PUDP: variants seen among roughly 807,000 people sequenced by gnomAD.
PUDP encodes the protein pseudouridine 5'-phosphatase.
Under a neutral mutation model 9.4 loss-of-function variants are expected in PUDP, and 8 were observed. The ratio of observed to expected loss-of-function variants is 0.85; its 90% CI spans 0.50 to 1.53. PUDP has a LOEUF of 1.53. PUDP is among the 40% of genes most tolerant of loss of function. The probability of loss-of-function intolerance (pLI) is 0.00; values close to 1 mark genes in which losing one functional copy is unlikely to be tolerated. For synonymous variants in PUDP, 99 were observed against 80.7 expected, an observed-to-expected ratio of 1.23 and a Z score of -1.22; for missense variants, 188 against 189.7, an observed-to-expected ratio of 0.99 and a Z score of 0.05.
rs1927297365 is a variant in PUDP at position 6,878,393 on chromosome X, G to T, written c.*247+98740C>A. Reference sequence around the variant, plus strand: ...GCTTTTTTTTTTTTTTAGAATAAAGGTCTCAATCTGTCGCCCAGGCTGAGG... The same window carrying T: ...GCTTTTTTTTTTTTTTAGAATAAAGTTCTCAATCTGTCGCCCAGGCTGAGG... On this transcript the variant is annotated intron_variant and NMD_transcript_variant, in intron 3 of 3. Transcript: ENST00000655425. 1.9e-5 allele frequency among the ~76,000 whole-genome samples: 2 copies of T among 107,592 alleles called. 1 individual carries two copies. The highest frequency in any genetic ancestry group is 6.8e-5 in the African/African-American group (2 of 29,351). The allele number at this position is 107,592 out of a possible 115,157, so 93.4% of individuals were successfully genotyped here. A position where few individuals can be genotyped will look rare whatever the true frequency, so the allele number is the denominator to read the frequency against.
At chrX:6,780,395 G>T (rs1408516865) in intron 3 of PUDP, among the ~76,000 whole-genome samples, 2 of 110,894 alleles carry the variant, frequency 1.8e-5, no homozygotes, top group Non-Finnish European at 3.8e-5. Context: ...AAACTACAGA[G>T]TGTTTAAGTG....
At chrX:6,824,499 T>C (rs1334222458) in intron 3 of PUDP, among the ~76,000 whole-genome samples, 2 of 111,347 alleles carry the variant, frequency 1.8e-5, no homozygotes, top group African/African-American at 6.5e-5. Flanking sequence ...TCAGTCTTAT[T>C]TTACTCAGCC....
chrX:6,773,811 C>T (rs765951160), intron 3 of PUDP, among the ~76,000 whole-genome samples: 40 of 111,622 alleles, frequency 3.6e-4, no homozygotes, highest in Non-Finnish European at 6.2e-4. Flanking sequence ...CTAGAAATTT[C>T]TGCACAAACT....
chrX:6,855,126 C>G (rs1462970216), intron 3 of PUDP, among the ~76,000 whole-genome samples: 2 of 109,007 alleles, frequency 1.8e-5, no homozygotes, highest in Non-Finnish European at 3.8e-5. Context: ...TCCTCCTCCT[C>G]TTCAGCCTCC....
intron 3 of PUDP, among the ~76,000 whole-genome samples, chrX:6,842,368 T>A (rs1425184343): frequency 4.5e-5 from 5 of 111,549 alleles, no homozygotes; most frequent in African/African-American, 1.6e-4. Flanking sequence ...GTAGGAAAAA[T>A]CCACTGTGGC....
chrX:6,977,298 G>GT (rs1158525245), intron 2 of PUDP, among the ~76,000 whole-genome samples: 1 of 111,442 alleles, frequency 9.0e-6, no homozygotes, highest in Non-Finnish European at 1.9e-5. Flanking sequence ...AGACAGTAAG[G>GT]TGACTGCTGG....
chrX:6,751,181 A>AAAGAAAGAAAG (rs1569091929), intron 3 of PUDP, among the ~76,000 whole-genome samples: 2 of 110,137 alleles, frequency 1.8e-5, no homozygotes, highest in African/African-American at 6.6e-5. Context: ...AAGAAAGAAA[A>AAAGAAAGAAAG]AAAGAAAGAA....
At chrX:6,888,405 G>A (rs1030006244) in intron 3 of PUDP, among the ~76,000 whole-genome samples, 1 of 110,401 alleles carries the variant, frequency 9.1e-6, no homozygotes, top group African/African-American at 3.3e-5. Context: ...ACTCTGGAAG[G>A]CCAAGGTGGG....
intron 3 of PUDP, among the ~76,000 whole-genome samples, chrX:7,059,216 G>A (rs1930330900): frequency 1.8e-5 from 2 of 111,032 alleles, no homozygotes; most frequent in African/African-American, 3.3e-5. Flanking sequence ...AGTACATTAC[G>A]GGCACTCTTA....
chrX:6,918,513 C>G (rs185771765), intron 3 of PUDP, among the ~76,000 whole-genome samples: 60 of 111,898 alleles, frequency 5.4e-4, no homozygotes, highest in African/African-American at 1.9e-3. Flanking sequence ...CCTGCCTCTA[C>G]AGGCTTAACC....
intron 1 of PUDP, among the ~76,000 whole-genome samples, chrX:7,041,747 TCTTCA>T (rs1441379665): frequency 8.9e-6 from 1 of 112,034 alleles, no homozygotes. Flanking sequence ...GATCTCTGCT[TCTTCA>T]GTGCAACCTT....
intron 3 of PUDP, among the ~76,000 whole-genome samples, chrX:6,760,640 T>A (rs778944772): frequency 1.8e-5 from 2 of 112,141 alleles, no homozygotes; most frequent in Non-Finnish European, 3.8e-5. Flanking sequence ...TCAGTCCCAA[T>A]TTTCAAAATC....
At chrX:6,938,624 AAATT>A (rs1313952751) in intron 3 of PUDP, among the ~76,000 whole-genome samples, 1 of 50,866 alleles carries the variant, frequency 2.0e-5, no homozygotes, top group Non-Finnish European at 3.7e-5. Context: ...CCTAGAACTT[AAATT>A]AAAAAAAAAA....
intron 3 of PUDP, among the ~76,000 whole-genome samples, chrX:6,789,482 G>GT (rs765348580): frequency 0.077 from 7,546 of 98,472 alleles, 253 homozygotes; most frequent in East Asian, 0.19. Context: ...CTGTTGGAGG[G>GT]TTTTTTAAAA....
intron 3 of PUDP, chrX:7,057,949 C>T: frequency 2.1e-6 from 1 of 474,974 alleles, no homozygotes; most frequent in East Asian, 3.8e-5. Context: ...CCAGGTCTCA[C>T]TTCCCGGTGA....
At chrX:7,136,870 AGTATCACT>A (rs200872345) in intron 1 of PUDP, among the ~76,000 whole-genome samples, 4,552 of 111,175 alleles carry the variant, frequency 0.041, 226 homozygotes, top group African/African-American at 0.14. Context: ...AGCCCTCCTG[AGTATCACT>A]GTATCACTTT....
intron 3 of PUDP, among the ~76,000 whole-genome samples, chrX:6,780,358 TA>T (rs1168552287): frequency 1.8e-5 from 2 of 110,662 alleles, no homozygotes; most frequent in Non-Finnish European, 3.8e-5. Context: ...CTACACTACT[TA>T]AGACATGATT....
At chrX:6,763,345 C>A (rs1453820145) in intron 3 of PUDP, among the ~76,000 whole-genome samples, 1 of 111,812 alleles carries the variant, frequency 8.9e-6, no homozygotes, top group African/African-American at 3.3e-5. Context: ...GCAAAGATTG[C>A]ACCACTGCAC....
At chrX:6,710,992 C>T (rs746365958) in intron 1 of PUDP, among the ~76,000 whole-genome samples, 5 of 110,972 alleles carry the variant, frequency 4.5e-5, no homozygotes, top group Non-Finnish European at 7.5e-5. Flanking sequence ...GCACTGATCA[C>T]GTATGTAAAT....
Sources: allele counts gnomAD v4.1 joint callset (sites outside exome capture counted in the v4.1 genomes callset), GRCh38; gene constraint gnomAD v4.1.1; transcripts MANE v1.5; gene names NCBI Gene and HGNC (gene_info 2026-07-23, HGNC 2026-07-21).